The following ADAMTS18 variants were observed in gnomAD, a reference collection of about 807,000 sequenced individuals.
ADAMTS18 encodes A disintegrin and metalloproteinase with thrombospondin motifs 18.
In ADAMTS18, 157 loss-of-function variants were observed where a neutral mutation model predicts 165.9. The ratio of observed to expected loss-of-function variants is 0.95; its 90% CI spans 0.83 to 1.08. The LOEUF is 1.08. Among genes scored for constraint, ADAMTS18 ranks in the 50% least tolerant of loss-of-function variants. The pLI is 0.00. For synonymous variants in ADAMTS18, 782 were observed against 578.2 expected (o/e 1.35, Z -5.06); for missense variants, 2,040 against 1,534.0 (o/e 1.33, Z -5.51).
At chr16:77,356,158 A>G in intron 8 of ADAMTS18, 81 bp from the exon 9 acceptor site, 1 of 1,580,626 alleles carries the variant, frequency 6.3e-7, no homozygotes, top group Admixed American at 1.7e-5. Context: ...ATAAAGATGT[A>G]TTGATCATCA....
intron 21 of ADAMTS18, chr16:77,290,932 A>G (rs2055349563): frequency 5.1e-6 from 2 of 394,690 alleles, no homozygotes; most frequent in Non-Finnish European, 9.6e-6. Flanking sequence ...CATTTCTAAA[A>G]CAGAAAGACT....
intron 2 of ADAMTS18, among the ~76,000 whole-genome samples, chr16:77,433,198 T>C (rs554281246): frequency 5.1e-4 from 78 of 152,200 alleles, no homozygotes; most frequent in Non-Finnish European, 7.8e-4. Context: ...AACTTAACTA[T>C]GAAAAAGATT....
intron 12 of ADAMTS18, among the ~76,000 whole-genome samples, chr16:77,327,921 C>T (rs1377418119): frequency 6.6e-6 from 1 of 152,152 alleles, no homozygotes; most frequent in African/African-American, 2.4e-5. Context: ...ATCCAGCTGT[C>T]AGTCATAGAG....
intron 21 of ADAMTS18, chr16:77,290,909 A>T: frequency 3.5e-6 from 1 of 283,456 alleles, no homozygotes; most frequent in Non-Finnish European, 6.8e-6. Flanking sequence ...AAATGAGTAA[A>T]GGCTGTGAGC....
chr16:77,377,714 T>G (rs2056972911), intron 3 of ADAMTS18, among the ~76,000 whole-genome samples: 1 of 152,210 alleles, frequency 6.6e-6, no homozygotes, highest in Non-Finnish European at 1.5e-5. Flanking sequence ...TTTGAATCTA[T>G]CTGCAACAAC....
chr16:77,359,865 A>G (rs1039105456), intron 7 of ADAMTS18, among the ~76,000 whole-genome samples: 16 of 152,186 alleles, frequency 1.1e-4, no homozygotes, highest in African/African-American at 3.4e-4. Flanking sequence ...GGAAAAACAC[A>G]TATCCTGGTC....
At position 77,322,283 on chromosome 16, in the gene ADAMTS18, T is replaced by G. The variant is rs201435902; in HGVS notation, c.2163+53A>C. On this transcript the variant is annotated intron_variant, in intron 14 of 22. Coordinates refer to ENST00000282849, the MANE Select transcript of ADAMTS18 (RefSeq NM_199355.4). ...ACACCACTGTTCACGGTACACACGATATGATAAAACACAAGCATGCTCATA... is the reference window on the plus strand; with the variant it reads ...ACACCACTGTTCACGGTACACACGAGATGATAAAACACAAGCATGCTCATA... 165 of 1,591,602 alleles carry G rather than the reference T, an allele frequency of 1.0e-4. 1 individual carries two copies. The highest frequency in any genetic ancestry group is 1.7e-4 in the Middle Eastern group (1 of 5,956).
At chr16:77,286,989 C>CTGGCACTCAG (rs2055266062) in intron 22 of ADAMTS18, among the ~76,000 whole-genome samples, 1 of 152,180 alleles carries the variant, frequency 6.6e-6, no homozygotes, top group South Asian at 2.1e-4. Flanking sequence ...TGCCCCTAGA[C>CTGGCACTCAG]TGGCACTCAG....
intron 2 of ADAMTS18, among the ~76,000 whole-genome samples, chr16:77,432,893 A>C (rs974607685): frequency 6.6e-6 from 1 of 152,146 alleles, no homozygotes; most frequent in Non-Finnish European, 1.5e-5. Context: ...TCTTCTGTTT[A>C]TGAACCATCT....
chr16:77,424,197 G>C (rs563874115), intron 3 of ADAMTS18, among the ~76,000 whole-genome samples: 1 of 152,160 alleles, frequency 6.6e-6, no homozygotes, highest in Non-Finnish European at 1.5e-5. Context: ...GGCCGGGCGC[G>C]GTGGCTCACG....
At chr16:77,408,780 G>A (rs186563578) in intron 3 of ADAMTS18, among the ~76,000 whole-genome samples, 14 of 152,192 alleles carry the variant, frequency 9.2e-5, no homozygotes, top group African/African-American at 3.4e-4. Flanking sequence ...TCTGGTTGGT[G>A]GTTAGAGGAG....
At chr16:77,366,450 AG>A (rs749609450) in intron 4 of ADAMTS18, among the ~76,000 whole-genome samples, 2 of 152,174 alleles carry the variant, frequency 1.3e-5, no homozygotes, top group Non-Finnish European at 2.9e-5. Flanking sequence ...TCCACCTAGT[AG>A]GGAGTCTGAG....
At chr16:77,303,193 G>A (rs144853426) in intron 16 of ADAMTS18, among the ~76,000 whole-genome samples, 8 of 152,224 alleles carry the variant, frequency 5.3e-5, no homozygotes, top group South Asian at 2.1e-4. Flanking sequence ...GTTGCCCCAC[G>A]TATGGCTACT....
intron 16 of ADAMTS18, among the ~76,000 whole-genome samples, chr16:77,314,647 G>A (rs1241809070): frequency 4.2e-5 from 5 of 118,358 alleles, no homozygotes; most frequent in African/African-American, 2.1e-4. Flanking sequence ...GTGTGTGTGT[G>A]TGTATATATA....
In ADAMTS18 at chr16:77,282,904, C is replaced by CTTTTTTTT. The variant is rs1331401019; in HGVS notation, c.*1051_*1052insAAAAAAAA. The CTTTTTTTT allele has an allele frequency of 1.4e-4, 11 of 77,736 alleles. No individual in the cohort carries two copies. Among genetic ancestry groups the CTTTTTTTT allele is most frequent in the South Asian group, 4.6e-4 (1 of 2,168 alleles). The allele number at this position is 77,736 out of a possible 1,614,324, so 4.8% of individuals were successfully genotyped here. ...TACCACTGTTTACTCCTTTCTTTCT[C>CTTTTTTTT]TCTTTTTTTTTTTTTTTTTTTTGCT... On this transcript the variant is annotated 3_prime_UTR_variant, in exon 23 of 23. Transcript: ENST00000282849.
chr16:77,405,598 T>A (rs1046564123), intron 3 of ADAMTS18, among the ~76,000 whole-genome samples: 2 of 152,236 alleles, frequency 1.3e-5, no homozygotes, highest in African/African-American at 4.8e-5. Flanking sequence ...TAACCTCTTG[T>A]ATTGTCTGCC....
chr16:77,308,282 T>C (rs1422079480), intron 16 of ADAMTS18, among the ~76,000 whole-genome samples: 1 of 152,222 alleles, frequency 6.6e-6, no homozygotes, highest in Admixed American at 6.5e-5. Context: ...TGTATTATCA[T>C]GTCATACTGA....
At chr16:77,403,663 CA>C (rs1161799053) in intron 3 of ADAMTS18, among the ~76,000 whole-genome samples, 1 of 152,130 alleles carries the variant, frequency 6.6e-6, no homozygotes. Flanking sequence ...GTGTCTCAGC[CA>C]GTTTACTATC....
At chr16:77,322,265 T>C in intron 14 of ADAMTS18, 71 bp downstream of exon 14, 2 of 1,580,814 alleles carry the variant, frequency 1.3e-6, no homozygotes, top group Non-Finnish European at 1.7e-6. Flanking sequence ...CTCACACCAC[T>C]GTTCACGGTA....
Sources: allele counts gnomAD v4.1 joint callset (sites outside exome capture counted in the v4.1 genomes callset), GRCh38; gene constraint gnomAD v4.1.1; transcripts MANE v1.5; gene names NCBI Gene and HGNC (gene_info 2026-07-23, HGNC 2026-07-21).